DYNC2H1: variants seen among roughly 807,000 people sequenced by gnomAD.
The protein encoded by DYNC2H1 is dynein cytoplasmic 2 heavy chain 1, also known as cytoplasmic dynein 2 heavy chain 1.
Under a neutral mutation model 570.0 loss-of-function variants are expected in DYNC2H1, and 410 were observed. The ratio of observed to expected loss-of-function variants is 0.72; its 90% confidence interval spans 0.66 to 0.78. The LOEUF (loss-of-function observed/expected upper bound fraction) is 0.78. Among genes scored for constraint, DYNC2H1 ranks in the 30% least tolerant of loss-of-function variants. The pLI is 0.00. For missense variants in DYNC2H1, 4,865 were observed against 5,046.4 expected (o/e 0.96, Z 1.09); for synonymous variants, 1,688 against 1,677.6 (o/e 1.01, Z -0.15).
intron 2 of DYNC2H1, 27 bp downstream of exon 2, chr11:103,113,734 T>A (rs1211808278): frequency 1.4e-6 from 2 of 1,473,104 alleles, no homozygotes; most frequent in Non-Finnish European, 1.8e-6. Flanking sequence ...TCATTTTTTT[T>A]AACTGAGGTA....
intron 83 of DYNC2H1, among the ~76,000 whole-genome samples, chr11:103,380,435 A>G (rs1941594279): frequency 6.6e-6 from 1 of 152,204 alleles, no homozygotes; most frequent in Non-Finnish European, 1.5e-5. Context: ...TAAAGATTAT[A>G]CCAATACACA....
At chr11:103,373,832 C>G (rs560429934) in intron 83 of DYNC2H1, among the ~76,000 whole-genome samples, 1 of 152,100 alleles carries the variant, frequency 6.6e-6, no homozygotes, top group Non-Finnish European at 1.5e-5. Context: ...CCTTGTAGAT[C>G]TAATAATATG....
chr11:103,259,460 A>G (rs1013761474), intron 69 of DYNC2H1, among the ~76,000 whole-genome samples: 5 of 152,180 alleles, frequency 3.3e-5, no homozygotes, highest in Non-Finnish European at 5.9e-5. Flanking sequence ...CCTGCAGCAC[A>G]TGATTTAAGA....
rs1944673670 is a variant in DYNC2H1, at chr11:103,453,303, G to A, written c.12457-1883G>A. Among the ~76,000 whole-genome samples the A allele has an allele frequency of 2.0e-5, 3 of 148,354 alleles. No individual in the cohort carries two copies. The South Asian group carries it at 6.5e-4, about 32-fold the overall frequency. On this transcript the variant is annotated intron_variant, in intron 85 of 88. Coordinates refer to ENST00000375735, the MANE Select transcript of DYNC2H1 (RefSeq NM_001377.3). The stretch of plus-strand genomic sequence containing the variant: ...CCCAATTTATGTGTGCATATTTCTG[G>A]TTATTAAAGATAATGCTACTTCTTT...
At chr11:103,366,946 TTAAC>T (rs1940935479) in intron 83 of DYNC2H1, among the ~76,000 whole-genome samples, 1 of 152,126 alleles carries the variant, frequency 6.6e-6, no homozygotes, top group Non-Finnish European at 1.5e-5. Flanking sequence ...AAAGATGTAA[TTAAC>T]AGAGAAGCTT....
Position 103,326,895 on chromosome 11 carries a change from C to G in DYNC2H1, c.12039+2905C>G, listed in dbSNP as rs1365625794. Among the ~76,000 whole-genome samples, 3 of 152,200 alleles carry G rather than the reference C, an allele frequency of 2.0e-5. No individual in the cohort carries two copies. The highest frequency in any genetic ancestry group is 7.2e-5 in the African/African-American group (3 of 41,450). On this transcript the variant is annotated intron_variant, in intron 82 of 88. Transcript: ENST00000375735. This position sits in a 1 kb window ranked among gnomAD's most constrained non-coding sequence, Gnocchi z 6.1. ...TACTCTACTACAGCTGTCCTGCACA[C>G]AAAAGCTCCTGAGCTCCACAGCAGC...
intron 84 of DYNC2H1, among the ~76,000 whole-genome samples, chr11:103,423,829 T>C (rs993997738): frequency 1.3e-5 from 2 of 152,034 alleles, no homozygotes; most frequent in Non-Finnish European, 2.9e-5. Flanking sequence ...GTAGGTGTCA[T>C]TAGGAATATC....
intron 88 of DYNC2H1, among the ~76,000 whole-genome samples, chr11:103,469,416 A>G (rs1455154120): frequency 6.6e-6 from 1 of 152,198 alleles, no homozygotes; most frequent in African/African-American, 2.4e-5. Context: ...ATAAACTTTA[A>G]AGTTCTGATT....
rs151223883 is a variant in DYNC2H1 at position 103,414,346 on chromosome 11, C to T, written c.12366+14474C>T. Among the ~76,000 whole-genome samples, 7 of 152,244 alleles carry T rather than the reference C, an allele frequency of 4.6e-5. No individual in the cohort carries two copies. The East Asian group carries it at 1.2e-3, about 25-fold the overall frequency. On this transcript the variant is annotated intron_variant, in intron 84 of 88. Transcript: ENST00000375735. ...TTGAAATAAATTCACCACTGCTGGG[C>T]GCAGTGGCTCACGCCTGTAATCCCA...
intron 70 of DYNC2H1, among the ~76,000 whole-genome samples, chr11:103,266,083 T>TGGGAGGTGGGGGGGGGG (rs1865492086): frequency 5.2e-5 from 1 of 19,318 alleles, no homozygotes; most frequent in Non-Finnish European, 1.1e-4. Context: ...GTGGGTGGGG[T>TGGGAGGTGGGGGGGGGG]GGGAGGGGCA....
chr11:103,449,230 T>TTA (rs1384854544), intron 85 of DYNC2H1, among the ~76,000 whole-genome samples: 3 of 151,930 alleles, frequency 2.0e-5, no homozygotes, highest in Non-Finnish European at 2.9e-5. Context: ...AAGTCAGAAG[T>TTA]TAGGTAGTGA....
At chr11:103,310,311 G>A (rs1867516149) in intron 78 of DYNC2H1, among the ~76,000 whole-genome samples, 1 of 151,422 alleles carries the variant, frequency 6.6e-6, no homozygotes, top group African/African-American at 2.4e-5. Flanking sequence ...TGGTTGTTTT[G>A]TATTTGCTTG....
intron 70 of DYNC2H1, among the ~76,000 whole-genome samples, chr11:103,269,328 A>G (rs1565448195): frequency 6.6e-6 from 1 of 152,190 alleles, no homozygotes. Flanking sequence ...AATGAGATAC[A>G]TTTCTCAAAT....
intron 47 of DYNC2H1, among the ~76,000 whole-genome samples, chr11:103,195,406 G>A (rs1467559327): frequency 1.3e-5 from 2 of 152,168 alleles, no homozygotes; most frequent in African/African-American, 2.4e-5. Context: ...CTCCAGCATC[G>A]TTTGTTGAAA....
At chr11:103,279,701 T>A (rs145610646) in intron 70 of DYNC2H1, among the ~76,000 whole-genome samples, 70 of 152,336 alleles carry the variant, frequency 4.6e-4, no homozygotes, top group Admixed American at 6.5e-4. Context: ...GACAGCCTGT[T>A]TTTGGTTCTG....
At chr11:103,374,235 A>C (rs932800657) in intron 83 of DYNC2H1, among the ~76,000 whole-genome samples, 2 of 152,118 alleles carry the variant, frequency 1.3e-5, no homozygotes, top group Non-Finnish European at 2.9e-5. Context: ...GTGAGAGGTG[A>C]TTGAATCATG....
intron 24 of DYNC2H1, 107 bp from the exon 25 acceptor site, chr11:103,155,224 T>C: frequency 9.6e-7 from 1 of 1,043,290 alleles, no homozygotes; most frequent in Non-Finnish European, 1.3e-6. Flanking sequence ...AATGGAATAA[T>C]TAAAATTTTG....
rs774513316 is a variant in DYNC2H1, at chr11:103,324,997, G to A, written c.12039+1007G>A. On this transcript the variant is annotated intron_variant, in intron 82 of 88. Transcript: ENST00000375735. This position sits in a 1 kb window ranked among gnomAD's most constrained non-coding sequence, Gnocchi z 5.2. ...ATATTTTTTCATATGTTTATTGGCC[G>A]TATGTATGTCTTCTTTTGAGAAGCA... 6.6e-6 allele frequency among the ~76,000 whole-genome samples: 1 copy of A among 152,028 alleles called. No individual in the cohort carries two copies. The highest frequency in any genetic ancestry group is 1.9e-4 in the East Asian group (1 of 5,192).
At chr11:103,462,010 A>G (rs1271355693) in intron 87 of DYNC2H1, among the ~76,000 whole-genome samples, 1 of 152,180 alleles carries the variant, frequency 6.6e-6, no homozygotes. Flanking sequence ...ATTCAGTCCA[A>G]AACAATATTG....
Sources: gnomAD v4.1 joint callset for allele counts (sites outside exome capture counted in the v4.1 genomes callset) on GRCh38, gnomAD v4.1.1 for gene constraint, Gnocchi (gnomAD v3.1) non-coding constraint, MANE v1.5 for transcripts, NCBI Gene and HGNC (gene_info 2026-07-23, HGNC 2026-07-21) for gene names.